The following UGT1A7 variants were observed in gnomAD, a reference collection of about 807,000 sequenced individuals.
UGT1A7 encodes the protein UDP glucuronosyltransferase family 1 member A7, also known as UDP-glucuronosyltransferase 1A7.
UGT1A7 carries 33 observed loss-of-function variants against 45.6 expected under a neutral mutation model. The observed-to-expected ratio is 0.72, with a 90% confidence interval of 0.55 to 0.97. The LOEUF (loss-of-function observed/expected upper bound fraction) is 0.97. UGT1A7 is among the 50% of genes least tolerant of loss of function. The pLI is 0.00. For synonymous variants in UGT1A7, 274 were observed against 250.6 expected, an observed-to-expected ratio of 1.09 and a Z score of -0.88; for missense variants, 684 against 666.2, an observed-to-expected ratio of 1.03 and a Z score of -0.29.
At chr2:233,707,194 T>C (rs1446622222) in intron 1 of UGT1A7, among the ~76,000 whole-genome samples, 1 of 152,148 alleles carries the variant, frequency 6.6e-6, no homozygotes, top group Non-Finnish European at 1.5e-5. Context: ...TGCCCTCCGT[T>C]CTATTCCCTT....
chr2:233,757,549 T>C lies in UGT1A7; in HGVS notation c.856-9485T>C, dbSNP rs1446411737. Among the ~76,000 whole-genome samples, 177 of 133,748 alleles carry C rather than the reference T, an allele frequency of 1.3e-3. 1 individual carries two copies. The highest frequency in any genetic ancestry group is 1.5e-3 in the Non-Finnish European group (97 of 64,202). The allele number at this position is 133,748 out of a possible 152,430, so 87.7% of individuals were successfully genotyped here. ...TGCCTGTAAGGAATATATATATATATATATATATATATGTATATATGATAT... is the reference window on the plus strand; with the variant it reads ...TGCCTGTAAGGAATATATATATATACATATATATATATGTATATATGATAT... On this transcript the variant is annotated intron_variant, in intron 1 of 4. Transcript: ENST00000373426.
At chr2:233,690,721 G>A in intron 1 of UGT1A7, 1 of 1,214,646 alleles carries the variant, frequency 8.2e-7, no homozygotes, top group Admixed American at 3.3e-5. Context: ...ATGACGAACA[G>A]ACATGCCAGA....
intron 1 of UGT1A7, chr2:233,713,514 A>T (rs763499114): frequency 2.8e-5 from 45 of 1,613,790 alleles, no homozygotes; most frequent in Admixed American, 5.0e-5. Flanking sequence ...TTTCTTGAGG[A>T]ACATTCCATG....
chr2:233,739,091 C>T (rs1027086038), intron 1 of UGT1A7: 13 of 152,212 alleles, frequency 8.5e-5, no homozygotes, highest in Admixed American at 1.3e-4. Flanking sequence ...TTGGCAGCAT[C>T]GATGTGGTGT....
At chr2:233,724,803 C>G (rs1387288842) in intron 1 of UGT1A7, among the ~76,000 whole-genome samples, 1 of 138,308 alleles carries the variant, frequency 7.2e-6, no homozygotes, top group Non-Finnish European at 1.5e-5. Flanking sequence ...GGGTGGCGGC[C>G]GGGCAGAGGC....
intron 1 of UGT1A7, chr2:233,693,441 C>A: frequency 6.2e-7 from 1 of 1,614,144 alleles, no homozygotes; most frequent in Non-Finnish European, 8.5e-7. Context: ...AAGTTTGATG[C>A]TCTTTTCACA....
chr2:233,691,862 A>G (rs1473009985), intron 1 of UGT1A7: 1 of 157,276 alleles, frequency 6.4e-6, no homozygotes, highest in African/African-American at 2.4e-5. Context: ...GATGTATAAT[A>G]AGAAATATAT....
Position 233,768,420 on chromosome 2 carries a change from G to A in UGT1A7, c.1276G>A (p.Ala426Thr). 6.2e-7 allele frequency: 1 copy of A among 1,614,048 alleles called. No homozygotes were observed. Among genetic ancestry groups the A allele is most frequent in the South Asian group, 1.1e-5 (1 of 91,078 alleles). Residue 426 changes from alanine (A) to threonine (T), a missense_variant, in exon 4 of 5, where the codon GCA becomes ACA. By Grantham distance (58) the Ala-to-Thr change is moderately conservative (BLOSUM62 0). Transcript: ENST00000373426. Reference protein sequence around the residue: ...TSEDLENALKAVINDKSYKEN... With the variant: ...TSEDLENALKTVINDKSYKEN... ...TGAAGATTTAGAAAATGCTCTAAAAGCAGTCATCAATGACAAAAGGTAAGA... is the reference window on the plus strand; with the variant it reads ...TGAAGATTTAGAAAATGCTCTAAAAACAGTCATCAATGACAAAAGGTAAGA...
intron 1 of UGT1A7, among the ~76,000 whole-genome samples, chr2:233,711,145 T>A (rs1293113032): frequency 1.3e-5 from 2 of 152,232 alleles, no homozygotes; most frequent in Non-Finnish European, 2.9e-5. Flanking sequence ...TGCCTTGGGC[T>A]GCTCCTCCTA....
At chr2:233,731,132 C>G (rs1241024479) in intron 1 of UGT1A7, among the ~76,000 whole-genome samples, 5 of 152,006 alleles carry the variant, frequency 3.3e-5, no homozygotes, top group African/African-American at 7.3e-5. Context: ...GCAAAAGACT[C>G]TAAGCTTCAT....
rs2076824965 is a variant in UGT1A7, at chr2:233,720,038, T to G, written c.855+37246T>G. On this transcript the variant is annotated intron_variant, in intron 1 of 4. Transcript: ENST00000373426. ...TCCTGGGGTTTTTGCTTGCCTGATTTTCAGCTGAACGGTGATGCAACAGTA... is the reference window on the plus strand; with the variant it reads ...TCCTGGGGTTTTTGCTTGCCTGATTGTCAGCTGAACGGTGATGCAACAGTA... Among the ~76,000 whole-genome samples, 3 of 152,190 alleles carry G rather than the reference T, an allele frequency of 2.0e-5. No individual in the cohort carries two copies. In the South Asian group the frequency reaches 6.2e-4, roughly 32 times the overall value.
chr2:233,769,456 T>C lies in UGT1A7; in HGVS notation c.1295+1017T>C, dbSNP rs1699869173. On this transcript the variant is annotated intron_variant, in intron 4 of 4. Coordinates refer to ENST00000373426, the MANE Select transcript of UGT1A7 (RefSeq NM_019077.3). This position sits in a 1 kb window ranked among gnomAD's most constrained non-coding sequence, Gnocchi z 4.4. ...TCATGTGTGGGTGCACACGTGTGCA[T>C]TCATATGCGTGTGTGTGTGTGTGCG... 2 of 1,598,818 alleles carry C rather than the reference T, an allele frequency of 1.3e-6. No homozygotes were observed. The highest frequency in any genetic ancestry group is 2.2e-5 in the East Asian group (1 of 44,796).
intron 1 of UGT1A7, chr2:233,712,975 CGGT>C (rs2076265720): frequency 6.2e-7 from 1 of 1,612,932 alleles, no homozygotes; most frequent in African/African-American, 1.3e-5. Flanking sequence ...AGTCAGCTGT[CGGT>C]GGCTTCTGCT....
At chr2:233,751,464 G>A (rs575888468) in intron 1 of UGT1A7, among the ~76,000 whole-genome samples, 3 of 152,310 alleles carry the variant, frequency 2.0e-5, no homozygotes, top group East Asian at 1.9e-4. Flanking sequence ...GGGAAGGCAC[G>A]ATTGGTTTTG....
intron 1 of UGT1A7, among the ~76,000 whole-genome samples, chr2:233,695,215 T>C (rs2075273192): frequency 6.7e-6 from 1 of 148,732 alleles, no homozygotes; most frequent in Non-Finnish European, 1.5e-5. Flanking sequence ...AACCTCCACC[T>C]CCTGGGTTCA....
chr2:233,712,762 A>G (rs934056553), intron 1 of UGT1A7, among the ~76,000 whole-genome samples: 48 of 152,180 alleles, frequency 3.2e-4, no homozygotes, highest in Admixed American at 2.4e-3. Flanking sequence ...AGCGAGCGCA[A>G]GGTCAGATGA....
chr2:233,756,771 G>C (rs1424521769), intron 1 of UGT1A7, among the ~76,000 whole-genome samples: 1 of 152,000 alleles, frequency 6.6e-6, no homozygotes, highest in Non-Finnish European at 1.5e-5. Context: ...TGGATTCTTT[G>C]CTTTGATAAA....
intron 1 of UGT1A7, among the ~76,000 whole-genome samples, chr2:233,720,787 C>T (rs369291144): frequency 6.6e-5 from 10 of 151,230 alleles, no homozygotes; most frequent in South Asian, 4.2e-4. Flanking sequence ...CTCACTGCAA[C>T]CTTCACCTCC....
intron 1 of UGT1A7, among the ~76,000 whole-genome samples, chr2:233,704,312 T>C (rs1316251379): frequency 6.7e-6 from 1 of 150,322 alleles, no homozygotes; most frequent in Non-Finnish European, 1.5e-5. Flanking sequence ...GTAAAATCCT[T>C]TAATGTTTTT....
Sources: gnomAD v4.1 joint callset for allele counts (sites outside exome capture counted in the v4.1 genomes callset) on GRCh38, gnomAD v4.1.1 for gene constraint, Gnocchi (gnomAD v3.1) non-coding constraint, MANE v1.5 for transcripts, NCBI Gene and HGNC (gene_info 2026-07-23, HGNC 2026-07-21) for gene names.